CD70: variants seen among roughly 807,000 people sequenced by gnomAD.
CD70 encodes the protein CD70 molecule, also known as CD70 antigen.
A neutral mutation model predicts 9.0 loss-of-function variants in CD70; 6 were observed. That is an observed-to-expected ratio of 0.67 (90% confidence interval 0.37 to 1.32). CD70 has a LOEUF of 1.32. Ranked by LOEUF, CD70 falls within the 40% of genes most tolerant of loss-of-function variation. The pLI is 0.02. For synonymous variants in CD70, 108 were observed against 112.3 expected (o/e 0.96, Z 0.24); for missense variants, 235 against 258.7 (o/e 0.91, Z 0.63).
At chr19:6,582,295 CAA>C (rs1915933089), downstream of CD70, among the ~76,000 whole-genome samples, 1 of 151,522 alleles carries the variant, frequency 6.6e-6, no homozygotes, top group Non-Finnish European at 1.5e-5. Context: ...CTCGGCCTCC[CAA>C]AGTGTTAGGA....
chr19:6,583,338 G>A (rs923671165), downstream of CD70: 5 of 700,154 alleles, frequency 7.1e-6, no homozygotes, highest in African/African-American at 1.7e-5. Context: ...TCTGTGAAAT[G>A]GGAACAATGA....
chr19:6,590,105 G>A lies in CD70; in HGVS notation c.194C>T (p.Thr65Ile). 2.5e-6 allele frequency: 4 copies of A among 1,613,002 alleles called. No individual in the cohort carries two copies. Among genetic ancestry groups the A allele is most frequent in the Non-Finnish European group, 3.4e-6 (4 of 1,179,234 alleles). Residue 65 changes from threonine to isoleucine, a missense_variant and splice_region_variant, in exon 2 of 3, where the codon ACA becomes ATA. Coordinates refer to ENST00000245903, the MANE Select transcript of CD70 (RefSeq NM_001252.5). The surrounding 1 kb of genome is among the most constrained non-coding windows in gnomAD (Gnocchi z 5.3). ...TCCCTCCACGTCCCCCGTGTTACCT[G>A]TGTGATTCAGCTGCAGCTCAGCTAC... ...WDVAELQLNH[T>I]GPQQDPRLYW...
At chr19:6,585,784 C>G (rs992208125), downstream of CD70, 2 of 448,110 alleles carry the variant, frequency 4.5e-6, no homozygotes, top group African/African-American at 2.0e-5. Flanking sequence ...AAGCGATTCT[C>G]CTGCCTCAGT....
Position 6,586,057 on chromosome 19 carries a change from T to C in CD70, c.545A>G (p.Asp182Gly), listed in dbSNP as rs1168311363. The change falls in exon 3 of 3, where the codon GAT becomes GGT. Residue 182 changes from aspartate to glycine, a missense_variant. Asp to Gly is a moderately conservative substitution (Grantham distance 94). Transcript: ENST00000245903. ...TGTLLPSRNT[D>G]ETFFGVQWVR... The stretch of plus-strand genomic sequence containing the variant: ...CCACTGCACTCCAAAGAAGGTCTCA[T>C]CAGTGTTTCGGGAAGGCAAAAGTGT... 1 of 1,613,776 alleles carries C rather than the reference T, an allele frequency of 6.2e-7. No homozygotes were observed. Among genetic ancestry groups the C allele is most frequent in the Non-Finnish European group, 8.5e-7 (1 of 1,179,896 alleles).
downstream of CD70, chr19:6,583,418 C>T (rs1310128240): frequency 1.4e-6 from 1 of 695,874 alleles, no homozygotes; most frequent in Non-Finnish European, 2.6e-6. Flanking sequence ...GTGTGCAGTC[C>T]ATATTAAATG....
chr19:6,585,426 C>A (rs951127219), downstream of CD70, among the ~76,000 whole-genome samples: 2 of 150,440 alleles, frequency 1.3e-5, no homozygotes, highest in African/African-American at 4.9e-5. Context: ...CTCACTGCAG[C>A]CTTTGACCTC....
In CD70 at chr19:6,586,353, G is replaced by T; in HGVS notation, c.249C>A (p.Arg83=). The change falls in exon 3 of 3, where the codon CGC becomes CGA. Residue 83 remains arginine, a synonymous_variant. Transcript: ENST00000245903. The part of the protein sequence containing the change: ...LYWQGGPALG[R]SFLHGPELDK... Reference sequence around the variant, plus strand: ...CCAGCTCTGGTCCATGCAGGAAGGAGCGGCCCAGTGCTGGGCCCCCCTGCC... The same window carrying T: ...CCAGCTCTGGTCCATGCAGGAAGGATCGGCCCAGTGCTGGGCCCCCCTGCC... 2 of 1,613,090 alleles carry T rather than the reference G, an allele frequency of 1.2e-6. No individual in the cohort carries two copies. Among genetic ancestry groups the T allele is most frequent in the Non-Finnish European group, 1.7e-6 (2 of 1,179,980 alleles).
In CD70 at chr19:6,586,417, G is replaced by C; in HGVS notation, c.197-12C>G. 1 of 1,591,682 alleles carries C rather than the reference G, an allele frequency of 6.3e-7. No individual in the cohort carries two copies. Among genetic ancestry groups the C allele is most frequent in the Non-Finnish European group, 8.6e-7 (1 of 1,168,646 alleles). ...GTCCTGCTGAGGTCCTGGGGGCACA[G>C]GGTTAGAGGGATGAGAGGATGGAGG... On this transcript the variant is annotated splice_polypyrimidine_tract_variant and intron_variant, in intron 2 of 2. Coordinates refer to ENST00000245903, the MANE Select transcript of CD70 (RefSeq NM_001252.5).
At chr19:6,582,240 T>C (rs990688549), downstream of CD70, among the ~76,000 whole-genome samples, 1 of 151,756 alleles carries the variant, frequency 6.6e-6, no homozygotes, top group South Asian at 2.1e-4. Context: ...TTCACCATAT[T>C]GCCCAGGCTG....
chr19:6,582,707 G>C (rs1915942793), downstream of CD70, among the ~76,000 whole-genome samples: 3 of 152,040 alleles, frequency 2.0e-5, no homozygotes, highest in South Asian at 6.2e-4. Flanking sequence ...CCGTTTTTAT[G>C]GCTGCATAGT....
rs374642555 is a variant in CD70, at chr19:6,585,992, T to A, written c.*28A>T. 7.3e-5 allele frequency: 110 copies of A among 1,512,732 alleles called. No homozygotes were observed. The African/African-American group carries it at 1.3e-3, about 17-fold the overall frequency. The allele number at this position is 1,512,732 out of a possible 1,614,324, so 93.7% of individuals were successfully genotyped here. A position where few individuals can be genotyped will look rare whatever the true frequency, so the allele number is the denominator to read the frequency against. On this transcript the variant is annotated 3_prime_UTR_variant, in exon 3 of 3. Transcript: ENST00000245903. ...TGAACTTAAATAAAATAAAATAAAA[T>A]TTAAAAAACCCTAATCAGCAGCAGT...
chr19:6,588,014 A>G (rs79679040), intron 2 of CD70, among the ~76,000 whole-genome samples: 74 of 152,254 alleles, frequency 4.9e-4, no homozygotes, highest in Non-Finnish European at 9.7e-4. Flanking sequence ...GTCCTCGGCT[A>G]TATTTCACGT....
intron 2 of CD70, among the ~76,000 whole-genome samples, chr19:6,586,768 C>T (rs1376384490): frequency 2.6e-5 from 4 of 151,574 alleles, no homozygotes; most frequent in Non-Finnish European, 4.4e-5. Flanking sequence ...CCACTGCACT[C>T]CAGCCTTGGT....
downstream of CD70, among the ~76,000 whole-genome samples, chr19:6,584,538 C>T (rs1417184944): frequency 7.5e-5 from 11 of 146,804 alleles, no homozygotes; most frequent in African/African-American, 2.8e-4. Flanking sequence ...TGTACACCAT[C>T]TTTAAATACT....
intron 2 of CD70, among the ~76,000 whole-genome samples, chr19:6,587,221 T>G (rs201111812): frequency 6.2e-5 from 4 of 64,638 alleles, no homozygotes; most frequent in Non-Finnish European, 1.3e-4. Context: ...AGCGAGAGAG[T>G]GTGAGAGAGA....
chr19:6,589,981 C>T (rs1916120816), intron 2 of CD70, 122 bp downstream of exon 2: 2 of 731,322 alleles, frequency 2.7e-6, no homozygotes, highest in Non-Finnish European at 4.7e-6. Context: ...CTCCCTCCCT[C>T]TCTCCCTCCG....
rs200143462 is a variant in CD70, at chr19:6,590,280, AT to A, written c.163-145del. On this transcript the variant is annotated intron_variant, in intron 1 of 2. Coordinates refer to ENST00000245903, the MANE Select transcript of CD70 (RefSeq NM_001252.5). The surrounding 1 kb of genome is among the most constrained non-coding windows in gnomAD (Gnocchi z 5.3). Reference sequence around the variant, plus strand: ...CGCACTGGTGATTTTATTTCATTTTATTTTTTTTTACTCTTAAGACTTCTTA... The same window carrying A: ...CGCACTGGTGATTTTATTTCATTTTATTTTTTTTACTCTTAAGACTTCTTA... 6.9e-3 allele frequency: 4,412 copies of A among 634,832 alleles called. 70 individuals carry two copies. Among genetic ancestry groups the A allele is most frequent in the African/African-American group, 0.049 (2,605 of 53,700 alleles). The allele number at this position is 634,832 out of a possible 1,614,324, so 39.3% of individuals were successfully genotyped here.
intron 2 of CD70, among the ~76,000 whole-genome samples, chr19:6,586,802 A>C (rs1916026709): frequency 6.7e-6 from 1 of 150,112 alleles, no homozygotes; most frequent in South Asian, 2.1e-4. Context: ...TCTCAAAAAA[A>C]AGGGAGGGGG....
Position 6,590,959 on chromosome 19 carries a change from T to A in CD70, c.44A>T (p.Tyr15Phe). ...CAAAGCAGCCCGCAGGACGCACCCATAGGGCCTGCGCCGCACCGAGCAGCC... is the reference window on the plus strand; with the variant it reads ...CAAAGCAGCCCGCAGGACGCACCCAAAGGGCCTGCGCCGCACCGAGCAGCC... The part of the protein sequence containing the change: ...GSGCSVRRRP[Y>F]GCVLRAALVP... Residue 15 changes from tyrosine (Y) to phenylalanine (F), a missense_variant, in exon 1 of 3, where the codon TAT (tyrosine) becomes TTT (phenylalanine). Physicochemically the swap from Tyr to Phe is conservative, Grantham distance 22. Transcript: ENST00000245903. The surrounding 1 kb of genome is among the most constrained non-coding windows in gnomAD (Gnocchi z 5.3). The A allele has an allele frequency of 6.2e-7, 1 of 1,613,548 alleles. No individual in the cohort carries two copies. The highest frequency in any genetic ancestry group is 8.5e-7 in the Non-Finnish European group (1 of 1,179,796).
Sources: allele counts gnomAD v4.1 joint callset (sites outside exome capture counted in the v4.1 genomes callset), GRCh38; gene constraint gnomAD v4.1.1; non-coding constraint Gnocchi (gnomAD v3.1); transcripts MANE v1.5; gene names NCBI Gene and HGNC (gene_info 2026-07-23, HGNC 2026-07-21).